The following ARHGAP6 variants were observed in gnomAD, a reference collection of about 807,000 sequenced individuals.
The protein encoded by ARHGAP6 is rho GTPase-activating protein 6.
ARHGAP6 carries 16 observed loss-of-function variants against 55.7 expected under a neutral mutation model. The ratio of observed to expected loss-of-function variants is 0.29; its 90% CI spans 0.19 to 0.44. The LOEUF (loss-of-function observed/expected upper bound fraction) is 0.44. Ranked by LOEUF, ARHGAP6 falls within the 20% of genes least tolerant of loss-of-function variation. The pLI, the probability that ARHGAP6 is intolerant of heterozygous loss-of-function variation, is 1.00. For missense variants in ARHGAP6, 698 were observed against 808.9 expected (o/e 0.86, Z 1.66); for synonymous variants, 382 against 360.9 (o/e 1.06, Z -0.66).
chrX:11,274,555 T>C (rs1440422667), intron 1 of ARHGAP6, among the ~76,000 whole-genome samples: 1 of 112,022 alleles, frequency 8.9e-6, no homozygotes, highest in Non-Finnish European at 1.9e-5. Context: ...GATGACAATG[T>C]TCACATTTCA....
rs139406905 is a variant in ARHGAP6 at position 11,393,787 on chromosome X, C to T, written c.589-139080G>A. ...GGATTTCCACTGAGAGCTGTCTCAGCCCAGAGCCTGAATTCTTATCAATGG... is the reference window on the plus strand; with the variant it reads ...GGATTTCCACTGAGAGCTGTCTCAGTCCAGAGCCTGAATTCTTATCAATGG... On this transcript the variant is annotated intron_variant, in intron 1 of 12. Coordinates refer to ENST00000337414, the MANE Select transcript of ARHGAP6 (RefSeq NM_013427.3). Among the ~76,000 whole-genome samples, 542 of 111,495 alleles carry T rather than the reference C, an allele frequency of 4.9e-3. 3 individuals are homozygous for T. Among genetic ancestry groups the T allele is most frequent in the African/African-American group, 0.017 (518 of 30,714 alleles).
intron 2 of ARHGAP6, among the ~76,000 whole-genome samples, chrX:11,228,354 C>G (rs761556392): frequency 8.9e-6 from 1 of 111,773 alleles, no homozygotes; most frequent in South Asian, 3.7e-4. Flanking sequence ...ATTTGGAGCT[C>G]CATGTATTGA....
At chrX:11,335,716 T>G in intron 1 of ARHGAP6, 1 of 327,156 alleles carries the variant, frequency 3.1e-6, no homozygotes. Flanking sequence ...AGGCACCAAC[T>G]CCCAGATTCA....
At chrX:11,275,924 C>G (rs1287280160) in intron 1 of ARHGAP6, among the ~76,000 whole-genome samples, 1 of 111,716 alleles carries the variant, frequency 9.0e-6, no homozygotes, top group Middle Eastern at 4.6e-3. Flanking sequence ...AATGAATCAT[C>G]ACATTAACAA....
chrX:11,498,372 ACT>A (rs1293909905), intron 1 of ARHGAP6, among the ~76,000 whole-genome samples: 4 of 111,902 alleles, frequency 3.6e-5, no homozygotes, highest in African/African-American at 1.3e-4. Context: ...CTTCATACAT[ACT>A]CTCATTTTCT....
intron 3 of ARHGAP6, among the ~76,000 whole-genome samples, chrX:11,196,231 A>T (rs2147360876): frequency 9.0e-6 from 1 of 111,556 alleles, no homozygotes; most frequent in South Asian, 3.7e-4. Context: ...TTAAAAAGGA[A>T]AATACTTGTT....
intron 9 of ARHGAP6, among the ~76,000 whole-genome samples, chrX:11,164,775 C>T (rs996856186): frequency 8.9e-6 from 1 of 112,135 alleles, no homozygotes; most frequent in African/African-American, 3.2e-5. Flanking sequence ...AAGAAGAAGT[C>T]CTAGTAAGAA....
intron 1 of ARHGAP6, among the ~76,000 whole-genome samples, chrX:11,532,426 C>G (rs934545334): frequency 1.8e-5 from 2 of 112,234 alleles, no homozygotes; most frequent in African/African-American, 3.2e-5. Flanking sequence ...AACCTATTCC[C>G]TCTCCACCCT....
intron 1 of ARHGAP6, among the ~76,000 whole-genome samples, chrX:11,511,411 T>C (rs923689922): frequency 6.2e-5 from 7 of 112,343 alleles, no homozygotes; most frequent in African/African-American, 2.3e-4. Context: ...TCAAAATGGG[T>C]GTACGAGAGT....
chrX:11,447,846 T>C lies in ARHGAP6; in HGVS notation c.589-193139A>G, dbSNP rs1370859496. ...TTCACTTAAGGCATTGCAATTTTCATAAATAATTGTCAATTAATATAAAGA... is the reference window on the plus strand; with the variant it reads ...TTCACTTAAGGCATTGCAATTTTCACAAATAATTGTCAATTAATATAAAGA... On this transcript the variant is annotated intron_variant, in intron 1 of 12. Transcript: ENST00000337414. Among the ~76,000 whole-genome samples, 4 of 112,622 alleles carry C rather than the reference T, an allele frequency of 3.6e-5. No individual in the cohort carries two copies. The Admixed American group carries it at 3.8e-4, about 11-fold the overall frequency.
chrX:11,503,478 C>T (rs2050700909), intron 1 of ARHGAP6, among the ~76,000 whole-genome samples: 1 of 111,506 alleles, frequency 9.0e-6, no homozygotes. Context: ...ATCTTTTTGT[C>T]CCCAAAGCCT....
intron 1 of ARHGAP6, among the ~76,000 whole-genome samples, chrX:11,374,775 C>A (rs1361898032): frequency 8.9e-6 from 1 of 112,124 alleles, no homozygotes; most frequent in South Asian, 3.7e-4. Context: ...ACTTCCCACA[C>A]AGGAACCTAA....
At chrX:11,549,084 C>T (rs1259183118) in intron 1 of ARHGAP6, among the ~76,000 whole-genome samples, 4 of 112,341 alleles carry the variant, frequency 3.6e-5, no homozygotes, top group East Asian at 2.8e-4. Flanking sequence ...GACATTAAGA[C>T]GTTAGGCCTA....
chrX:11,542,962 T>C (rs1273551510), intron 1 of ARHGAP6, among the ~76,000 whole-genome samples: 1 of 111,566 alleles, frequency 9.0e-6, no homozygotes, highest in Non-Finnish European at 1.9e-5. Flanking sequence ...ACCACCTTAC[T>C]GACCATGAGT....
chrX:11,217,014 C>T (rs1199891008), intron 2 of ARHGAP6, among the ~76,000 whole-genome samples: 1 of 111,571 alleles, frequency 9.0e-6, no homozygotes, highest in East Asian at 2.8e-4. Context: ...TGGTTTCCAG[C>T]TTCATCCATG....
At chrX:11,631,820 A>G (rs902898082) in intron 1 of ARHGAP6, among the ~76,000 whole-genome samples, 1 of 112,374 alleles carries the variant, frequency 8.9e-6, no homozygotes, top group African/African-American at 3.2e-5. Flanking sequence ...ATAAAGCTTT[A>G]TTTGGACCTT....
At chrX:11,478,206 A>G (rs750264372) in intron 1 of ARHGAP6, among the ~76,000 whole-genome samples, 2 of 111,766 alleles carry the variant, frequency 1.8e-5, no homozygotes, top group Admixed American at 1.9e-4. Flanking sequence ...CCCAAGAGAA[A>G]TGAGTATGTA....
chrX:11,398,293 G>T (rs1368183848), intron 1 of ARHGAP6, among the ~76,000 whole-genome samples: 1 of 109,164 alleles, frequency 9.2e-6, no homozygotes, highest in African/African-American at 3.3e-5. Context: ...AGAAACCGTG[G>T]GAGTATCTTA....
At chrX:11,649,440 C>T (rs1329380824) in intron 1 of ARHGAP6, among the ~76,000 whole-genome samples, 1 of 112,008 alleles carries the variant, frequency 8.9e-6, no homozygotes, top group South Asian at 3.7e-4. Flanking sequence ...TAGATCATCT[C>T]GATAGACATT....
Sources: gnomAD v4.1 joint callset for allele counts (sites outside exome capture counted in the v4.1 genomes callset) on GRCh38, gnomAD v4.1.1 for gene constraint, MANE v1.5 for transcripts, NCBI Gene and HGNC (gene_info 2026-07-23, HGNC 2026-07-21) for gene names.